Variants in CSMD1 observed in about 807,000 individuals in gnomAD.
The protein encoded by CSMD1 is CUB and sushi domain-containing protein 1.
CSMD1 carries 213 observed loss-of-function variants against 417.5 expected under a neutral mutation model. The ratio of observed to expected loss-of-function variants is 0.51; its 90% CI spans 0.46 to 0.57. The LOEUF is 0.57. CSMD1 is among the 20% of genes least tolerant of loss of function. The pLI is 0.00. For synonymous variants in CSMD1, 2,862 were observed against 1,736.8 expected (o/e 1.65, Z -16.11); for missense variants, 6,923 against 4,529.7 (o/e 1.53, Z -15.17).
At chr8:3,109,686 TG>T (rs1266579934) in intron 43 of CSMD1, among the ~76,000 whole-genome samples, 1 of 152,010 alleles carries the variant, frequency 6.6e-6, no homozygotes, top group Non-Finnish European at 1.5e-5. Flanking sequence ...CCCTGGCTGC[TG>T]GCTTCTGCTC....
chr8:4,427,894 T>A (rs1797656480), intron 2 of CSMD1, among the ~76,000 whole-genome samples: 1 of 152,188 alleles, frequency 6.6e-6, no homozygotes, highest in Non-Finnish European at 1.5e-5. Context: ...TAATATAATG[T>A]CTCTAGGGCA....
chr8:4,774,087 C>T (rs1293792697), intron 1 of CSMD1, among the ~76,000 whole-genome samples: 1 of 152,180 alleles, frequency 6.6e-6, no homozygotes, highest in African/African-American at 2.4e-5. Context: ...ATCCCAGCTA[C>T]TCAGGAGGCT....
intron 5 of CSMD1, among the ~76,000 whole-genome samples, chr8:3,853,834 C>T (rs1175400861): frequency 6.7e-6 from 1 of 148,314 alleles, no homozygotes; most frequent in Non-Finnish European, 1.5e-5. Flanking sequence ...CAAACCTGCA[C>T]ATTGTGCACA....
At chr8:4,295,000 C>G (rs1764256896) in intron 3 of CSMD1, among the ~76,000 whole-genome samples, 1 of 149,670 alleles carries the variant, frequency 6.7e-6, no homozygotes, top group African/African-American at 2.4e-5. Context: ...GATCTGAACC[C>G]AATCTAAGGT....
At chr8:4,697,214 C>G (rs1161063577) in intron 1 of CSMD1, among the ~76,000 whole-genome samples, 1 of 151,930 alleles carries the variant, frequency 6.6e-6, no homozygotes, top group African/African-American at 2.4e-5. Context: ...AAAAATCATT[C>G]TACTTATTTT....
chr8:4,825,177 T>C (rs1287404990), intron 1 of CSMD1, among the ~76,000 whole-genome samples: 2 of 152,112 alleles, frequency 1.3e-5, no homozygotes. Flanking sequence ...GTGACTTATC[T>C]GACATTTTTG....
intron 54 of CSMD1, among the ~76,000 whole-genome samples, chr8:2,994,529 G>A (rs1228957825): frequency 6.6e-6 from 1 of 152,132 alleles, no homozygotes; most frequent in Non-Finnish European, 1.5e-5. Flanking sequence ...TGATACCACT[G>A]CCATGTTTTA....
At position 3,573,976 on chromosome 8, in the gene CSMD1, A is replaced by T. The variant is rs1800044893; in HGVS notation, c.1344+969T>A. ...ATTGAACTTAAAAGGAGTTAAAAAA[A>T]TTCATTTGATAGCCAATGAAACATG... On this transcript the variant is annotated intron_variant, in intron 10 of 69. Transcript: ENST00000635120. Among the ~76,000 whole-genome samples, 3 of 152,176 alleles carry T rather than the reference A, an allele frequency of 2.0e-5. No homozygotes were observed. In the South Asian group the frequency reaches 6.2e-4, roughly 32 times the overall value.
chr8:3,283,075 G>C (rs751508874), intron 26 of CSMD1, among the ~76,000 whole-genome samples: 6 of 152,082 alleles, frequency 3.9e-5, no homozygotes, highest in Non-Finnish European at 8.8e-5. Context: ...AGCAAAAATG[G>C]CAACTATCTT....
intron 3 of CSMD1, among the ~76,000 whole-genome samples, chr8:4,085,562 G>A (rs1327770782): frequency 6.6e-6 from 1 of 152,098 alleles, no homozygotes; most frequent in Non-Finnish European, 1.5e-5. Flanking sequence ...GACAAGCCTA[G>A]GAAGAAGAAT....
At chr8:4,429,421 T>A (rs1292138619) in intron 2 of CSMD1, among the ~76,000 whole-genome samples, 3 of 152,160 alleles carry the variant, frequency 2.0e-5, no homozygotes, top group Non-Finnish European at 4.4e-5. Flanking sequence ...AGCATCCTCC[T>A]TTCACACAAT....
intron 1 of CSMD1, among the ~76,000 whole-genome samples, chr8:4,907,013 G>A (rs552391646): frequency 1.3e-5 from 2 of 152,242 alleles, no homozygotes; most frequent in East Asian, 3.9e-4. Flanking sequence ...TCATCTATAT[G>A]TCTTAAAGTG....
At chr8:3,458,081 G>C (rs1816270916) in intron 12 of CSMD1, among the ~76,000 whole-genome samples, 1 of 152,288 alleles carries the variant, frequency 6.6e-6, no homozygotes, top group Admixed American at 6.5e-5. Context: ...CTCCCAGGAA[G>C]TTTGCTCTAA....
chr8:3,544,742 G>A (rs1317144516), intron 10 of CSMD1, among the ~76,000 whole-genome samples: 1 of 152,090 alleles, frequency 6.6e-6, no homozygotes, highest in Non-Finnish European at 1.5e-5. Context: ...AGGATGCTGG[G>A]TGGAGACAGG....
intron 2 of CSMD1, among the ~76,000 whole-genome samples, chr8:4,458,299 CTT>C (rs376555718): frequency 1.3e-5 from 2 of 150,542 alleles, no homozygotes. Context: ...CTTTCTCCCT[CTT>C]TTTTTTTGTG....
At chr8:4,824,619 G>T (rs958151342) in intron 1 of CSMD1, among the ~76,000 whole-genome samples, 1 of 152,146 alleles carries the variant, frequency 6.6e-6, no homozygotes, top group Non-Finnish European at 1.5e-5. Context: ...TGAGGTCTGT[G>T]TATGTGTGTG....
chr8:4,023,734 C>A (rs974956571), intron 4 of CSMD1, among the ~76,000 whole-genome samples: 6 of 149,760 alleles, frequency 4.0e-5, no homozygotes, highest in South Asian at 2.1e-4. Context: ...CTACAAGCGC[C>A]CACCGCTACG....
At chr8:4,433,477 G>A (rs1797983377) in intron 2 of CSMD1, among the ~76,000 whole-genome samples, 1 of 152,166 alleles carries the variant, frequency 6.6e-6, no homozygotes, top group Admixed American at 6.5e-5. Flanking sequence ...CTGGCTATCT[G>A]CAAGCGCGGC....
At chr8:3,055,022 G>A (rs1812121934) in intron 49 of CSMD1, among the ~76,000 whole-genome samples, 1 of 152,124 alleles carries the variant, frequency 6.6e-6, no homozygotes, top group South Asian at 2.1e-4. Context: ...ACGTGTTCAT[G>A]ATCGCAAGCC....
Sources: gnomAD v4.1 joint callset for allele counts (sites outside exome capture counted in the v4.1 genomes callset) on GRCh38, gnomAD v4.1.1 for gene constraint, MANE v1.5 for transcripts, NCBI Gene and HGNC (gene_info 2026-07-23, HGNC 2026-07-21) for gene names.